The following AGBL4 variants were observed in gnomAD, a reference collection of about 807,000 sequenced individuals.
AGBL4 encodes the protein AGBL carboxypeptidase 4, also known as cytosolic carboxypeptidase 6.
In AGBL4, 58 loss-of-function variants were observed where a neutral mutation model predicts 66.4. The ratio of observed to expected loss-of-function variants is 0.87; its 90% CI spans 0.71 to 1.09. The LOEUF is 1.09. AGBL4 is among the 50% of genes least tolerant of loss of function. AGBL4 has a pLI of 0.00. For synonymous variants in AGBL4, 234 were observed against 222.9 expected, an observed-to-expected ratio of 1.05 and a Z score of -0.44; for missense variants, 579 against 631.0, an observed-to-expected ratio of 0.92 and a Z score of 0.88.
chr1:48,546,468 G>A (rs962577614), intron 11 of AGBL4, among the ~76,000 whole-genome samples: 1 of 152,204 alleles, frequency 6.6e-6, no homozygotes, highest in Non-Finnish European at 1.5e-5. Flanking sequence ...GCGGGTGGAA[G>A]AGAAAGACAA....
chr1:49,851,199 A>C (rs937238789), intron 2 of AGBL4, among the ~76,000 whole-genome samples, 197 bp downstream of exon 2: 6 of 152,114 alleles, frequency 3.9e-5, no homozygotes, highest in Non-Finnish European at 8.8e-5. Flanking sequence ...CATCAATTAT[A>C]TTTTTAATCA....
intron 5 of AGBL4, among the ~76,000 whole-genome samples, chr1:48,988,360 T>A (rs1468472767): frequency 6.6e-6 from 1 of 152,144 alleles, no homozygotes; most frequent in East Asian, 1.9e-4. Context: ...TGACTTCTAT[T>A]TTATGCTCAT....
At chr1:48,996,077 A>G (rs1433867819) in intron 5 of AGBL4, among the ~76,000 whole-genome samples, 1 of 152,134 alleles carries the variant, frequency 6.6e-6, no homozygotes, top group African/African-American at 2.4e-5. Flanking sequence ...AATGGACTGG[A>G]TGTAAGATGT....
chr1:49,762,414 C>CTTT (rs759348883), intron 2 of AGBL4, among the ~76,000 whole-genome samples: 2 of 139,296 alleles, frequency 1.4e-5, no homozygotes, highest in Admixed American at 7.2e-5. Flanking sequence ...CAATTTTCTT[C>CTTT]TTTTTTTTTT....
intron 1 of AGBL4, among the ~76,000 whole-genome samples, chr1:50,014,536 C>CTTTTTTTTTTTTT (rs886696766): frequency 9.2e-6 from 1 of 109,026 alleles, no homozygotes; most frequent in Non-Finnish European, 1.9e-5. Flanking sequence ...CAGAGGATTT[C>CTTTTTTTTTTTTT]TTTTTTTTTT....
chr1:48,680,450 G>GA (rs202078736), intron 6 of AGBL4, among the ~76,000 whole-genome samples: 2,374 of 151,938 alleles, frequency 0.016, 71 homozygotes, highest in African/African-American at 0.055. Context: ...CAGGCGATCA[G>GA]AAAAAAAATG....
intron 1 of AGBL4, among the ~76,000 whole-genome samples, chr1:49,982,295 G>A (rs534240610): frequency 6.6e-6 from 1 of 152,346 alleles, no homozygotes; most frequent in East Asian, 1.9e-4. Flanking sequence ...CCAAGGACAG[G>A]TAGAAGCCCT....
rs573500782 is a variant in AGBL4, at chr1:49,795,878, G to A, written c.157+55518C>T. On this transcript the variant is annotated intron_variant, in intron 2 of 13. Coordinates refer to ENST00000371839, the MANE Select transcript of AGBL4 (RefSeq NM_032785.4). The stretch of plus-strand genomic sequence containing the variant: ...AGAAAACTTGAGTAAATATTTTTCT[G>A]ATTTGGAAGGATTAAACATAAAAGC... 7.6e-4 allele frequency among the ~76,000 whole-genome samples: 115 copies of A among 151,988 alleles called. 2 individuals are homozygous for A. The highest frequency in any genetic ancestry group is 2.5e-3 in the Admixed American group (38 of 15,248).
At chr1:49,133,481 C>T (rs1043911648) in intron 4 of AGBL4, among the ~76,000 whole-genome samples, 2 of 152,066 alleles carry the variant, frequency 1.3e-5, no homozygotes, top group African/African-American at 4.8e-5. Context: ...ATATCAAAAA[C>T]ATATGAAAAG....
intron 1 of AGBL4, among the ~76,000 whole-genome samples, chr1:49,853,036 C>T (rs549150812): frequency 1.3e-5 from 2 of 152,202 alleles, no homozygotes; most frequent in South Asian, 4.1e-4. Flanking sequence ...TTTGTAAGTA[C>T]TGTAAATACT....
chr1:48,574,686 A>G (rs561549867), intron 11 of AGBL4, among the ~76,000 whole-genome samples: 64 of 150,760 alleles, frequency 4.2e-4, no homozygotes, highest in Admixed American at 8.6e-4. Flanking sequence ...CCCAGCCACA[A>G]CTCCCACCTC....
chr1:48,673,626 G>A (rs962491765), intron 6 of AGBL4, among the ~76,000 whole-genome samples: 42 of 152,230 alleles, frequency 2.8e-4, no homozygotes, highest in African/African-American at 9.4e-4. Flanking sequence ...AGGAGCCAGA[G>A]AAGCTGAATT....
chr1:49,397,663 A>T (rs906963376), intron 3 of AGBL4, among the ~76,000 whole-genome samples: 1 of 152,108 alleles, frequency 6.6e-6, no homozygotes, highest in African/African-American at 2.4e-5. Context: ...TGACAGTAAC[A>T]TTCCCCTCAT....
At chr1:48,928,766 G>T (rs75846239) in intron 5 of AGBL4, among the ~76,000 whole-genome samples, 4,118 of 152,038 alleles carry the variant, frequency 0.027, 164 homozygotes, top group African/African-American at 0.095. Flanking sequence ...AATATATATA[G>T]GCATAATAAT....
intron 7 of AGBL4, among the ~76,000 whole-genome samples, chr1:48,656,729 A>C (rs1157641176): frequency 1.3e-5 from 2 of 152,130 alleles, no homozygotes; most frequent in Non-Finnish European, 2.9e-5. Context: ...AGAAACAGAA[A>C]ACCAAATACT....
At chr1:49,257,683 C>T (rs535606451) in intron 3 of AGBL4, among the ~76,000 whole-genome samples, 10 of 152,330 alleles carry the variant, frequency 6.6e-5, no homozygotes, top group East Asian at 5.8e-4. Flanking sequence ...CACTGTCCTG[C>T]GCCCACTGTC....
chr1:49,801,326 C>T (rs533959490), intron 2 of AGBL4, among the ~76,000 whole-genome samples: 1 of 152,304 alleles, frequency 6.6e-6, no homozygotes, highest in South Asian at 2.1e-4. Flanking sequence ...GTTGATCCTT[C>T]CCTGACTCAA....
chr1:48,671,132 CT>C (rs1646270131), intron 6 of AGBL4, among the ~76,000 whole-genome samples: 1 of 152,204 alleles, frequency 6.6e-6, no homozygotes, highest in African/African-American at 2.4e-5. Flanking sequence ...GTGCTCTCAG[CT>C]ACCAATGCTC....
intron 3 of AGBL4, among the ~76,000 whole-genome samples, chr1:49,584,498 T>C (rs1478570290): frequency 6.6e-6 from 1 of 152,204 alleles, no homozygotes; most frequent in Non-Finnish European, 1.5e-5. Flanking sequence ...TGTTTCATAG[T>C]GGTTTCTAGT....
Sources: gnomAD v4.1 joint callset for allele counts (sites outside exome capture counted in the v4.1 genomes callset) on GRCh38, gnomAD v4.1.1 for gene constraint, MANE v1.5 for transcripts, NCBI Gene and HGNC (gene_info 2026-07-23, HGNC 2026-07-21) for gene names.